Variants in RARB observed in about 807,000 individuals in gnomAD.
RARB encodes the protein HBV-activated protein.
A neutral mutation model predicts 51.9 loss-of-function variants in RARB; 17 were observed. The ratio of observed to expected loss-of-function variants is 0.33; its 90% CI spans 0.22 to 0.49. The LOEUF (loss-of-function observed/expected upper bound fraction) is 0.49, where lower values mean the gene tolerates loss of function less well. Among genes scored for constraint, RARB ranks in the 20% least tolerant of loss-of-function variants. The probability of loss-of-function intolerance (pLI) is 0.99; values close to 1 mark genes in which losing one functional copy is unlikely to be tolerated. For synonymous variants in RARB, 215 were observed against 195.4 expected (o/e 1.10, Z -0.84); for missense variants, 369 against 550.8 (o/e 0.67, Z 3.30).
intron 3 of RARB, among the ~76,000 whole-genome samples, chr3:25,507,840 C>A (rs2125615970): frequency 6.6e-6 from 1 of 152,222 alleles, no homozygotes; most frequent in South Asian, 2.1e-4. Flanking sequence ...CCCTGGATGC[C>A]CCTGAGGTTA....
intron 2 of RARB, among the ~76,000 whole-genome samples, chr3:25,027,057 A>T (rs1559439031): frequency 8.8e-6 from 1 of 113,488 alleles, no homozygotes. Context: ...TGGGCTCTCA[A>T]GAGCTGTACA....
intron 1 of RARB, among the ~76,000 whole-genome samples, chr3:24,844,771 C>T (rs1702465811): frequency 6.6e-6 from 1 of 152,144 alleles, no homozygotes; most frequent in South Asian, 2.1e-4. Context: ...ATTCTCTGGA[C>T]CCCTGCGATC....
At chr3:25,379,290 AG>A (rs745922227) in intron 5 of RARB, among the ~76,000 whole-genome samples, 1 of 152,148 alleles carries the variant, frequency 6.6e-6, no homozygotes, top group Non-Finnish European at 1.5e-5. Context: ...TTTTCTCAGG[AG>A]CTAGAGTAGG....
chr3:24,988,513 C>T (rs1434625133), intron 2 of RARB, among the ~76,000 whole-genome samples: 1 of 151,956 alleles, frequency 6.6e-6, no homozygotes, highest in African/African-American at 2.4e-5. Context: ...TCCCTTGCTC[C>T]CCAGATAAGT....
chr3:24,934,103 T>C (rs562993968), intron 2 of RARB, among the ~76,000 whole-genome samples: 2 of 152,150 alleles, frequency 1.3e-5, no homozygotes, highest in Non-Finnish European at 2.9e-5. Flanking sequence ...TTTCCAATTG[T>C]TATTTTGCCA....
rs570554972 is a variant in RARB at position 25,364,513 on chromosome 3, C to T, written c.179-96680C>T. Among the ~76,000 whole-genome samples the T allele has an allele frequency of 2.0e-5, 3 of 152,280 alleles. No homozygotes were observed. In the South Asian group the frequency reaches 6.2e-4, roughly 32 times the overall value. ...TCATCCAAGGACCCAAGATTAAGAA[C>T]CTATGTCCTAGGTAGAAAGAACAAT... On this transcript the variant is annotated intron_variant, in intron 5 of 11. Coordinates refer to the RARB transcript ENST00000383772.
At chr3:25,321,810 T>G (rs1319651900) in intron 5 of RARB, among the ~76,000 whole-genome samples, 1 of 151,798 alleles carries the variant, frequency 6.6e-6, no homozygotes, top group Non-Finnish European at 1.5e-5. Context: ...CTCAGTGTTG[T>G]GAAGTTGTAA....
chr3:24,983,282 T>C (rs1346611412), intron 2 of RARB, among the ~76,000 whole-genome samples: 1 of 151,914 alleles, frequency 6.6e-6, no homozygotes, highest in African/African-American at 2.4e-5. Flanking sequence ...TATTTCCTTT[T>C]GTTTGTTTTT....
chr3:25,104,216 G>A (rs113572840), intron 3 of RARB, among the ~76,000 whole-genome samples: 217 of 152,204 alleles, frequency 1.4e-3, no homozygotes, highest in African/African-American at 5.0e-3. Flanking sequence ...TGAAAAAGAC[G>A]GACAATACCA....
intron 5 of RARB, among the ~76,000 whole-genome samples, chr3:25,354,887 T>C (rs1421420123): frequency 2.0e-5 from 3 of 152,050 alleles, no homozygotes; most frequent in African/African-American, 7.2e-5. Context: ...AAAGTCTTTT[T>C]TTTTTTTTCT....
intron 3 of RARB, among the ~76,000 whole-genome samples, chr3:25,523,075 G>A (rs193091459): frequency 4.6e-5 from 7 of 152,240 alleles, no homozygotes; most frequent in East Asian, 3.9e-4. Context: ...AACTGGATTC[G>A]GTTTTTCAAC....
chr3:25,134,568 G>C (rs1700001222), intron 4 of RARB, among the ~76,000 whole-genome samples: 1 of 151,922 alleles, frequency 6.6e-6, no homozygotes, highest in South Asian at 2.1e-4. Flanking sequence ...GTGTTAGCTA[G>C]GATGATAACG....
intron 2 of RARB, among the ~76,000 whole-genome samples, chr3:24,941,024 T>C (rs918161821): frequency 6.6e-6 from 1 of 152,122 alleles, no homozygotes; most frequent in Non-Finnish European, 1.5e-5. Flanking sequence ...CCATCCTATA[T>C]TGAAATAGAA....
chr3:25,559,523 C>G (rs541818448), intron 3 of RARB, among the ~76,000 whole-genome samples: 1 of 152,264 alleles, frequency 6.6e-6, no homozygotes, highest in African/African-American at 2.4e-5. Flanking sequence ...ATGACTGTGT[C>G]TTTTACTAGA....
chr3:24,963,085 G>C (rs1459806068), intron 2 of RARB, among the ~76,000 whole-genome samples: 1 of 152,092 alleles, frequency 6.6e-6, no homozygotes, highest in African/African-American at 2.4e-5. Context: ...ATACTTTGAG[G>C]ACTTCTCTTC....
At chr3:24,999,629 G>T (rs1315483275) in intron 2 of RARB, among the ~76,000 whole-genome samples, 2 of 152,116 alleles carry the variant, frequency 1.3e-5, no homozygotes, top group Non-Finnish European at 2.9e-5. Context: ...AGACCAACAA[G>T]AAAATGGCAC....
chr3:25,117,623 C>T (rs1202628523), intron 3 of RARB, among the ~76,000 whole-genome samples: 1 of 152,020 alleles, frequency 6.6e-6, no homozygotes, highest in African/African-American at 2.4e-5. Flanking sequence ...ATTTTAGTGG[C>T]CAAGGAGAGA....
intron 5 of RARB, among the ~76,000 whole-genome samples, chr3:25,260,904 A>G (rs1702983080): frequency 6.6e-6 from 1 of 152,134 alleles, no homozygotes; most frequent in Non-Finnish European, 1.5e-5. Context: ...AAAATAGGAC[A>G]TGAGACAGCA....
At chr3:25,204,692 C>G (rs1205632365) in intron 5 of RARB, among the ~76,000 whole-genome samples, 6 of 152,166 alleles carry the variant, frequency 3.9e-5, no homozygotes, top group Non-Finnish European at 8.8e-5. Context: ...GAGGTTCACT[C>G]CAGACCCTGT....
Sources: gnomAD v4.1 joint callset for allele counts (sites outside exome capture counted in the v4.1 genomes callset) on GRCh38, gnomAD v4.1.1 for gene constraint, MANE v1.5 for transcripts, NCBI Gene and HGNC (gene_info 2026-07-23, HGNC 2026-07-21) for gene names.